The following CDH23 variants were observed in gnomAD, a reference collection of about 807,000 sequenced individuals.
The protein encoded by CDH23 is cadherin related 23.
CDH23 carries 189 observed loss-of-function variants against 317.1 expected under a neutral mutation model. That is an observed-to-expected ratio of 0.60 (90% confidence interval 0.53 to 0.67). The LOEUF is 0.67. Among genes scored for constraint, CDH23 ranks in the 30% least tolerant of loss-of-function variants. The probability of loss-of-function intolerance (pLI) is 0.00; values close to 1 mark genes in which losing one functional copy is unlikely to be tolerated. For synonymous variants in CDH23, 1,839 were observed against 1,876.8 expected, an observed-to-expected ratio of 0.98 and a Z score of 0.52; for missense variants, 4,401 against 4,592.4, an observed-to-expected ratio of 0.96 and a Z score of 1.20.
At chr10:71,412,533 G>C (rs181869034) in intron 1 of CDH23, among the ~76,000 whole-genome samples, 61 of 152,288 alleles carry the variant, frequency 4.0e-4, no homozygotes, top group African/African-American at 1.5e-3. Context: ...GAGTGCAGTG[G>C]CTACACTAAA....
intron 14 of CDH23, among the ~76,000 whole-genome samples, chr10:71,668,751 GC>G: frequency 6.6e-6 from 1 of 152,330 alleles, no homozygotes; most frequent in South Asian, 2.1e-4. Flanking sequence ...GACTGGCATT[GC>G]TGACTCAGGC....
At chr10:71,405,432 CTT>C (rs397824446) in intron 1 of CDH23, among the ~76,000 whole-genome samples, 86 of 130,590 alleles carry the variant, frequency 6.6e-4, no homozygotes, top group South Asian at 1.2e-3. Flanking sequence ...GGTAGACTAT[CTT>C]TTTTTTTTTT....
intron 55 of CDH23, among the ~76,000 whole-genome samples, chr10:71,805,326 T>C (rs1422565456): frequency 2.0e-5 from 3 of 152,218 alleles, no homozygotes; most frequent in Middle Eastern, 3.2e-3. Context: ...TCACCCTGCC[T>C]GTGTCCCCCC....
intron 9 of CDH23, among the ~76,000 whole-genome samples, chr10:71,586,642 T>C (rs1859086245): frequency 6.6e-6 from 1 of 152,164 alleles, no homozygotes. Context: ...TTACCACCTG[T>C]GTGTTCCTCC....
intron 14 of CDH23, among the ~76,000 whole-genome samples, chr10:71,660,517 A>T (rs1224391230): frequency 2.0e-5 from 3 of 152,012 alleles, no homozygotes; most frequent in Non-Finnish European, 4.4e-5. Context: ...AAGCTACAGG[A>T]TGGAGGAAAT....
At chr10:71,737,610 G>A (rs1356250921) in intron 34 of CDH23, 2 of 453,806 alleles carry the variant, frequency 4.4e-6, no homozygotes, top group East Asian at 7.0e-5. Flanking sequence ...CACATGCAGG[G>A]AAGCAGAGAA....
rs146292480 is a variant in CDH23, at chr10:71,432,272, A to G, written c.-5-7555A>G. On this transcript the variant is annotated intron_variant, in intron 1 of 69. Coordinates refer to ENST00000224721, the MANE Select transcript of CDH23 (RefSeq NM_022124.6). ...CATGTGTTTGAGAGTGTGTGTGTGC[A>G]TGAGTGTGTTTGAGAGTGTGTGTGT... 4.1e-3 allele frequency among the ~76,000 whole-genome samples: 558 copies of G among 135,898 alleles called. 1 individual carries two copies. The highest frequency in any genetic ancestry group is 0.012 in the Middle Eastern group (3 of 256). The allele number at this position is 135,898 out of a possible 152,430, so 89.2% of individuals were successfully genotyped here. A position where few individuals can be genotyped will look rare whatever the true frequency, so the allele number is the denominator to read the frequency against.
intron 20 of CDH23, among the ~76,000 whole-genome samples, chr10:71,693,825 A>G (rs932094112): frequency 1.3e-5 from 2 of 152,220 alleles, no homozygotes; most frequent in African/African-American, 4.8e-5. Context: ...ACTGAGCTTA[A>G]GGCCTAATGG....
chr10:71,516,528 A>G (rs754236560), intron 6 of CDH23, among the ~76,000 whole-genome samples: 39 of 152,256 alleles, frequency 2.6e-4, no homozygotes, highest in Non-Finnish European at 5.0e-4. Flanking sequence ...CCTGGATGCC[A>G]TTTGTCAATG....
chr10:71,750,130 T>C (rs1389216675), intron 38 of CDH23: 1 of 152,132 alleles, frequency 6.6e-6, no homozygotes, highest in East Asian at 1.9e-4. Context: ...ACCTTGCCTA[T>C]GTGTATAAAA....
chr10:71,684,967 G>T (rs997222624), intron 18 of CDH23, among the ~76,000 whole-genome samples: 1 of 152,236 alleles, frequency 6.6e-6, no homozygotes, highest in Admixed American at 6.5e-5. Flanking sequence ...CAGATGGGGA[G>T]GCTGAGGCTC....
chr10:71,675,017 GC>G, intron 14 of CDH23, 94 bp from the exon 15 acceptor site: 1 of 1,146,876 alleles, frequency 8.7e-7, no homozygotes, highest in Non-Finnish European at 1.3e-6. Context: ...TTCACCCTGG[GC>G]CAAAGGAGAC....
intron 9 of CDH23, among the ~76,000 whole-genome samples, chr10:71,613,264 A>G (rs1861009310): frequency 6.6e-6 from 1 of 152,216 alleles, no homozygotes. Context: ...CTTCTATCAT[A>G]CATTTATATG....
chr10:71,617,270 G>A lies in CDH23; in HGVS notation c.1011G>A (p.Leu337=). The change falls in exon 11 of 70, where the codon CTG becomes CTA. Residue 337 remains leucine, a synonymous_variant. Transcript: ENST00000224721. The stretch of plus-strand genomic sequence containing the variant: ...CAGTCACCACGACCTTCAATATCCT[G>A]GTTATTGACATCAATGACAATGCCC... The part of the protein sequence containing the change: ...DATVTTTFNI[L]VIDINDNAPE... The A allele has an allele frequency of 6.2e-7, 1 of 1,614,016 alleles. No homozygotes were observed. Among genetic ancestry groups the A allele is most frequent in the South Asian group, 1.1e-5 (1 of 91,080 alleles).
In CDH23 at chr10:71,397,220, G is replaced by T; in HGVS notation, c.-104G>T. ...CTTCGCGCCGGCGGGAAGACGCGGC[G>T]GTGGCCAGGGCCAGAGCAGGCGGCC... On this transcript the variant is annotated 5_prime_UTR_variant, in exon 1 of 70. Coordinates refer to ENST00000224721, the MANE Select transcript of CDH23 (RefSeq NM_022124.6). The surrounding 1 kb of genome is among the most constrained non-coding windows in gnomAD (Gnocchi z 4.8). 1 of 243,374 alleles carries T rather than the reference G, an allele frequency of 4.1e-6. No homozygotes were observed. The highest frequency in any genetic ancestry group is 8.2e-6 in the Non-Finnish European group (1 of 121,290). The allele number at this position is 243,374 out of a possible 1,614,324, so 15.1% of individuals were successfully genotyped here. A position where few individuals can be genotyped will look rare whatever the true frequency, so the allele number is the denominator to read the frequency against.
In CDH23 at chr10:71,704,964, G is replaced by A; in HGVS notation, c.2787G>A (p.Met929Ile). The change falls in exon 25 of 70, where the codon ATG (methionine) becomes ATA (isoleucine). Residue 929 changes from methionine (M) to isoleucine (I), a missense_variant. Met to Ile is a conservative substitution (Grantham distance 10). Transcript: ENST00000224721. ...EGLNGLVSYR[M>I]PVGMPRMDFL... ...TGAACGGCCTGGTGTCCTACCGCATGCCGGTGGGCATGCCCCGCATGGACT... is the reference window on the plus strand; with the variant it reads ...TGAACGGCCTGGTGTCCTACCGCATACCGGTGGGCATGCCCCGCATGGACT... 1 of 1,612,936 alleles carries A rather than the reference G, an allele frequency of 6.2e-7. No homozygotes were observed. The highest frequency in any genetic ancestry group is 8.5e-7 in the Non-Finnish European group (1 of 1,179,866).
chr10:71,646,075 C>T, intron 13 of CDH23, 95 bp downstream of exon 13: 1 of 1,431,876 alleles, frequency 7.0e-7, no homozygotes, highest in Non-Finnish European at 9.5e-7. Context: ...ATCCCACCTT[C>T]CACTGCTGCC....
chr10:71,455,879 T>G (rs547143618), intron 3 of CDH23, among the ~76,000 whole-genome samples: 1 of 152,120 alleles, frequency 6.6e-6, no homozygotes, highest in East Asian at 1.9e-4. Flanking sequence ...GAAACTGAGG[T>G]GGAGAATGGG....
At chr10:71,566,567 GGAAAA>G (rs1252163336) in intron 6 of CDH23, among the ~76,000 whole-genome samples, 170 bp from the exon 7 acceptor site, 1 of 152,134 alleles carries the variant, frequency 6.6e-6, no homozygotes, top group East Asian at 1.9e-4. Flanking sequence ...ATGAAGAAGA[GGAAAA>G]GAAAAGATAC....
Sources: allele counts gnomAD v4.1 joint callset (sites outside exome capture counted in the v4.1 genomes callset), GRCh38; gene constraint gnomAD v4.1.1; non-coding constraint Gnocchi (gnomAD v3.1); transcripts MANE v1.5; gene names NCBI Gene and HGNC (gene_info 2026-07-23, HGNC 2026-07-21).